The following OCA2 variants were observed in gnomAD, a reference collection of about 807,000 sequenced individuals.
The protein encoded by OCA2 is P protein.
A neutral mutation model predicts 100.2 loss-of-function variants in OCA2; 77 were observed. The ratio of observed to expected loss-of-function variants is 0.77; its 90% CI spans 0.64 to 0.93. OCA2 has a LOEUF of 0.93. Ranked by LOEUF, OCA2 falls within the 40% of genes least tolerant of loss-of-function variation. The probability of loss-of-function intolerance (pLI) is 0.00; values close to 1 mark genes in which losing one functional copy is unlikely to be tolerated. For missense variants in OCA2, 1,062 were observed against 1,089.1 expected (o/e 0.98, Z 0.35); for synonymous variants, 432 against 439.2 (o/e 0.98, Z 0.21).
chr15:28,001,056 A>C (rs1028535775), intron 9 of OCA2, among the ~76,000 whole-genome samples: 4 of 152,182 alleles, frequency 2.6e-5, no homozygotes, highest in Non-Finnish European at 5.9e-5. Context: ...AACTTTCACC[A>C]AACTTAAAAA....
chr15:27,846,161 C>T (rs532345534), intron 22 of OCA2, among the ~76,000 whole-genome samples: 1 of 152,216 alleles, frequency 6.6e-6, no homozygotes, highest in South Asian at 2.1e-4. Context: ...CGGGGCAGTG[C>T]TGGCCCAGAC....
chr15:27,812,412 C>A (rs2034114347), intron 23 of OCA2, among the ~76,000 whole-genome samples: 1 of 152,224 alleles, frequency 6.6e-6, no homozygotes, highest in South Asian at 2.1e-4. Context: ...TGGCCTCCCT[C>A]ACCGATCTCA....
At chr15:28,024,712 A>G in intron 5 of OCA2, 133 bp downstream of exon 5, 1 of 967,034 alleles carries the variant, frequency 1.0e-6, no homozygotes, top group East Asian at 2.5e-5. Context: ...ATCTCCTCCA[A>G]AGACAGTCAG....
intron 18 of OCA2, among the ~76,000 whole-genome samples, chr15:27,946,329 T>C (rs2039833921): frequency 6.6e-6 from 1 of 152,174 alleles, no homozygotes; most frequent in Non-Finnish European, 1.5e-5. Flanking sequence ...TAACCTAGCT[T>C]AATAGTCAGA....
At chr15:27,837,706 C>T (rs960453950) in intron 23 of OCA2, among the ~76,000 whole-genome samples, 1 of 151,980 alleles carries the variant, frequency 6.6e-6, no homozygotes, top group Admixed American at 6.6e-5. Context: ...TTGACATACA[C>T]TGGGCTCCAG....
chr15:28,081,701 C>T lies in OCA2; in HGVS notation c.174G>A (p.Gln58=). 6.2e-7 allele frequency: 1 copy of T among 1,613,866 alleles called. No individual in the cohort carries two copies. Among genetic ancestry groups the T allele is most frequent in the Non-Finnish European group, 8.5e-7 (1 of 1,179,990 alleles). ...CCTGGCCTGCAGGAGCCCAAGAGCT[C>T]TGCCCGGCAGCCCCCCTGGGGCAGG... ...SHSCPRGAAG[Q]SSWAPAGQEF... Residue 58 remains glutamine (Q), a synonymous_variant, in exon 2 of 24, where the codon CAG becomes CAA. Transcript: ENST00000354638.
chr15:27,771,769 T>C (rs2151046917), intron 23 of OCA2, among the ~76,000 whole-genome samples: 1 of 152,344 alleles, frequency 6.6e-6, no homozygotes, highest in East Asian at 1.9e-4. Flanking sequence ...TTTTAAATAC[T>C]TAATTTTGTT....
At chr15:28,079,774 C>T (rs899859064) in intron 2 of OCA2, among the ~76,000 whole-genome samples, 6 of 152,208 alleles carry the variant, frequency 3.9e-5, no homozygotes, top group Middle Eastern at 3.4e-3. Flanking sequence ...CCGTGCCCTG[C>T]GCAGGCTGTG....
Position 27,946,507 on chromosome 15 carries a change from C to T in OCA2, c.1951+5277G>A, listed in dbSNP as rs549134880. On this transcript the variant is annotated intron_variant, in intron 18 of 23. Transcript: ENST00000354638. ...TGTCACTGTTTCTGTACCTCACTTC[C>T]GATTCCCGTACGTCACTTTACCTTT... 3.3e-5 allele frequency among the ~76,000 whole-genome samples: 5 copies of T among 152,324 alleles called. No homozygotes were observed. The South Asian group carries it at 6.2e-4, about 19-fold the overall frequency.
At chr15:28,032,004 A>C in intron 3 of OCA2, 61 bp downstream of exon 3, 1 of 1,279,404 alleles carries the variant, frequency 7.8e-7, no homozygotes, top group South Asian at 1.2e-5. Context: ...GTTCTCCAGC[A>C]TACATGCCAG....
At chr15:27,995,309 T>A (rs931267107) in intron 9 of OCA2, among the ~76,000 whole-genome samples, 2 of 152,176 alleles carry the variant, frequency 1.3e-5, no homozygotes, top group African/African-American at 4.8e-5. Flanking sequence ...GAAAAAGACA[T>A]TCTTCTCTAG....
intron 14 of OCA2, among the ~76,000 whole-genome samples, chr15:27,968,573 A>G (rs2040659020): frequency 1.3e-5 from 2 of 152,226 alleles, no homozygotes; most frequent in South Asian, 2.1e-4. Context: ...CTTTTAGAAA[A>G]TATGTGAAAT....
At chr15:27,734,286 CAAA>C in the OCA2 span, among the ~76,000 whole-genome samples, 11 of 76,376 alleles carry the variant, frequency 1.4e-4, no homozygotes, top group Admixed American at 4.8e-4. Context: ...TTTTCAAGAG[CAAA>C]AAAAAAAAAA....
the OCA2 span, among the ~76,000 whole-genome samples, chr15:27,747,277 A>T: frequency 6.6e-6 from 1 of 152,248 alleles, no homozygotes; most frequent in Non-Finnish European, 1.5e-5. Context: ...AACTGTGATT[A>T]TATACAGCAC....
At chr15:28,041,331 A>T (rs1423227558) in intron 2 of OCA2, among the ~76,000 whole-genome samples, 1 of 152,118 alleles carries the variant, frequency 6.6e-6, no homozygotes, top group Non-Finnish European at 1.5e-5. Context: ...TAAAAAAAAA[A>T]AAAATGCACA....
intron 23 of OCA2, among the ~76,000 whole-genome samples, chr15:27,786,176 T>C (rs1011413003): frequency 1.6e-4 from 25 of 152,214 alleles, no homozygotes; most frequent in African/African-American, 6.0e-4. Flanking sequence ...TTTGCCTCTA[T>C]TACAGTAGCT....
At chr15:27,838,470 C>T (rs531919962) in intron 23 of OCA2, among the ~76,000 whole-genome samples, 14 of 152,180 alleles carry the variant, frequency 9.2e-5, no homozygotes, top group African/African-American at 2.4e-4. Context: ...TAAAGAGATC[C>T]GTGAAATCGT....
chr15:27,941,293 C>A (rs1257253644), intron 18 of OCA2, among the ~76,000 whole-genome samples: 1 of 152,190 alleles, frequency 6.6e-6, no homozygotes, highest in African/African-American at 2.4e-5. Flanking sequence ...ACCTTACTCT[C>A]CCACCCATAA....
intron 19 of OCA2, among the ~76,000 whole-genome samples, chr15:27,906,865 G>A (rs2038199173): frequency 6.6e-6 from 1 of 152,180 alleles, no homozygotes; most frequent in African/African-American, 2.4e-5. Context: ...TCTGGTGAGG[G>A]CCTCAGGCTG....
Sources: gnomAD v4.1 joint callset for allele counts (sites outside exome capture counted in the v4.1 genomes callset) on GRCh38, gnomAD v4.1.1 for gene constraint, MANE v1.5 for transcripts, NCBI Gene and HGNC (gene_info 2026-07-23, HGNC 2026-07-21) for gene names.